Variants in KLF12 observed in about 807,000 individuals in gnomAD.
KLF12 encodes Krueppel-like factor 12.
Under a neutral mutation model 37.8 loss-of-function variants are expected in KLF12, and 9 were observed. The ratio of observed to expected loss-of-function variants is 0.24; its 90% CI spans 0.14 to 0.42. The LOEUF (loss-of-function observed/expected upper bound fraction) is 0.42. Among genes scored for constraint, KLF12 ranks in the 10% least tolerant of loss-of-function variants. The pLI is 1.00. For synonymous variants in KLF12, 208 were observed against 202.1 expected (o/e 1.03, Z -0.25); for missense variants, 411 against 516.0 (o/e 0.80, Z 1.97).
At chr13:74,090,792 TCTC>T (rs1875607023) in intron 1 of KLF12, among the ~76,000 whole-genome samples, 1 of 152,080 alleles carries the variant, frequency 6.6e-6, no homozygotes, top group Non-Finnish European at 1.5e-5. Context: ...TTCTGTAGGT[TCTC>T]CTTTATTCTC....
At chr13:74,072,369 A>ATCTATATATATATCTATATATC (rs1398830176) in intron 1 of KLF12, among the ~76,000 whole-genome samples, 21 of 48,196 alleles carry the variant, frequency 4.4e-4, no homozygotes, top group African/African-American at 2.2e-3. Flanking sequence ...ATACAAATAT[A>ATCTATATATATATCTATATATC]TATATATATA....
chr13:73,716,108 A>G (rs1249800935), intron 6 of KLF12, among the ~76,000 whole-genome samples: 1 of 152,152 alleles, frequency 6.6e-6, no homozygotes, highest in Non-Finnish European at 1.5e-5. Flanking sequence ...TTCTAGTTGG[A>G]GTTTCTTTGT....
intron 7 of KLF12, among the ~76,000 whole-genome samples, chr13:73,701,953 TAAG>T (rs1383028540): frequency 6.6e-6 from 1 of 152,164 alleles, no homozygotes; most frequent in Non-Finnish European, 1.5e-5. Context: ...CCAACACTAA[TAAG>T]AAGAGCATCT....
the KLF12 span, among the ~76,000 whole-genome samples, chr13:74,252,679 A>T: frequency 6.6e-6 from 1 of 152,218 alleles, no homozygotes; most frequent in South Asian, 2.1e-4. Context: ...ATGATTATAT[A>T]AGGCAAATTC....
intron 3 of KLF12, among the ~76,000 whole-genome samples, chr13:73,934,880 GCT>G (rs1159565839): frequency 6.6e-6 from 1 of 151,704 alleles, no homozygotes; most frequent in Admixed American, 6.6e-5. Flanking sequence ...GCTTACTGAA[GCT>G]CTGTTTTTAT....
At chr13:74,199,307 G>T in the KLF12 span, among the ~76,000 whole-genome samples, 1 of 152,204 alleles carries the variant, frequency 6.6e-6, no homozygotes, top group Admixed American at 6.5e-5. Flanking sequence ...CTGCCCCAAA[G>T]AAATGATATA....
chr13:74,007,308 C>T (rs992929797), intron 1 of KLF12, among the ~76,000 whole-genome samples: 4 of 150,840 alleles, frequency 2.7e-5, no homozygotes, highest in Non-Finnish European at 5.9e-5. Flanking sequence ...GATGGAGTCT[C>T]GCTGCCTCCC....
chr13:73,964,536 A>G (rs768820829), intron 2 of KLF12, among the ~76,000 whole-genome samples: 1 of 151,010 alleles, frequency 6.6e-6, no homozygotes, highest in Admixed American at 6.6e-5. Flanking sequence ...TCGGGAGGCC[A>G]AGGCGGGTGG....
chr13:73,984,898 T>C (rs1388538234), intron 2 of KLF12, among the ~76,000 whole-genome samples: 1 of 152,216 alleles, frequency 6.6e-6, no homozygotes, highest in Non-Finnish European at 1.5e-5. Context: ...CACTCTCCCA[T>C]CAAGGGGTGG....
At chr13:74,295,326 T>A in the KLF12 span, among the ~76,000 whole-genome samples, 1 of 152,148 alleles carries the variant, frequency 6.6e-6, no homozygotes, top group Non-Finnish European at 1.5e-5. Flanking sequence ...AAACCACACA[T>A]AACGCATTCT....
intron 2 of KLF12, among the ~76,000 whole-genome samples, chr13:73,947,445 G>A (rs1202835007): frequency 2.0e-5 from 3 of 152,096 alleles, no homozygotes; most frequent in Non-Finnish European, 2.9e-5. Context: ...GAGCTCAGGA[G>A]TTTGAGACCA....
chr13:74,015,504 T>C (rs1209530357), intron 1 of KLF12, among the ~76,000 whole-genome samples: 1 of 152,212 alleles, frequency 6.6e-6, no homozygotes, highest in Non-Finnish European at 1.5e-5. Flanking sequence ...TTATCCACCC[T>C]AGTGCGCCCA....
chr13:74,186,761 A>G, the KLF12 span, among the ~76,000 whole-genome samples: 2 of 152,296 alleles, frequency 1.3e-5, no homozygotes, highest in South Asian at 4.1e-4. Flanking sequence ...TGTGCCAGTT[A>G]TGACTAGGTA....
Position 73,897,209 on chromosome 13 carries a change from A to G in KLF12, c.123+46772T>C, listed in dbSNP as rs573141551. On this transcript the variant is annotated intron_variant, in intron 3 of 7. Coordinates refer to ENST00000377669, the MANE Select transcript of KLF12 (RefSeq NM_007249.5). ...CCTCTGATGAAAAATTTAAAAAAAA[A>G]TCTGCCTCAAATGAAAACAGTTCAC... is the stretch of plus-strand genomic sequence containing the variant. 1.1e-3 allele frequency among the ~76,000 whole-genome samples: 161 copies of G among 152,262 alleles called. 2 individuals are homozygous for G. The highest frequency in any genetic ancestry group is 3.5e-3 in the African/African-American group (145 of 41,548).
chr13:74,173,069 A>G, the KLF12 span, among the ~76,000 whole-genome samples: 1 of 152,180 alleles, frequency 6.6e-6, no homozygotes, highest in East Asian at 1.9e-4. Flanking sequence ...TAGCTTAGAA[A>G]CAAGTTTTTA....
At position 73,716,868 on chromosome 13, in the gene KLF12, T is replaced by C. The variant is rs534578192; in HGVS notation, c.870-1343A>G. On this transcript the variant is annotated intron_variant, in intron 6 of 7. Transcript: ENST00000377669. The stretch of plus-strand genomic sequence containing the variant: ...AATTTTAAGATCTATTTTTAAAATA[T>C]TTTAACCATCTCCAAAATCAGAATG... 5.9e-5 allele frequency among the ~76,000 whole-genome samples: 9 copies of C among 152,340 alleles called. No homozygotes were observed. The South Asian group carries it at 1.7e-3, about 28-fold the overall frequency.
the KLF12 span, among the ~76,000 whole-genome samples, chr13:74,264,947 A>G: frequency 6.6e-6 from 1 of 152,186 alleles, no homozygotes; most frequent in Non-Finnish European, 1.5e-5. Flanking sequence ...TACTTTTAAT[A>G]CAGGAAGCTG....
At chr13:74,045,958 A>G (rs1893532277) in intron 1 of KLF12, among the ~76,000 whole-genome samples, 1 of 152,176 alleles carries the variant, frequency 6.6e-6, no homozygotes, top group Non-Finnish European at 1.5e-5. Flanking sequence ...TATAGCTCCT[A>G]TTTATTTCAG....
At chr13:74,094,931 T>G (rs964148785) in intron 1 of KLF12, among the ~76,000 whole-genome samples, 1 of 152,212 alleles carries the variant, frequency 6.6e-6, no homozygotes, top group Non-Finnish European at 1.5e-5. Context: ...TTGTAAAGCA[T>G]TTTTGAAACT....
Sources: allele counts gnomAD v4.1 joint callset (sites outside exome capture counted in the v4.1 genomes callset), GRCh38; gene constraint gnomAD v4.1.1; transcripts MANE v1.5; gene names NCBI Gene and HGNC (gene_info 2026-07-23, HGNC 2026-07-21).